Variants in GADL1 observed in about 807,000 individuals in gnomAD.
GADL1 encodes acidic amino acid decarboxylase GADL1.
GADL1 carries 71 observed loss-of-function variants against 69.5 expected under a neutral mutation model. The ratio of observed to expected loss-of-function variants is 1.02; its 90% CI spans 0.84 to 1.25. The LOEUF is 1.25. GADL1 is among the 50% of genes most tolerant of loss of function. GADL1 has a pLI of 0.00. For missense variants in GADL1, 737 were observed against 631.8 expected, an observed-to-expected ratio of 1.17 and a Z score of -1.79; for synonymous variants, 254 against 214.4, an observed-to-expected ratio of 1.18 and a Z score of -1.62.
intron 3 of GADL1, among the ~76,000 whole-genome samples, chr3:30,855,684 G>A (rs1034390288): frequency 1.3e-4 from 20 of 151,828 alleles, no homozygotes; most frequent in South Asian, 2.1e-4. Context: ...CCATACACCC[G>A]GCTAACTGGC....
At chr3:30,842,822 TA>T (rs558126002) in intron 8 of GADL1, among the ~76,000 whole-genome samples, 239 of 103,482 alleles carry the variant, frequency 2.3e-3, no homozygotes, top group Middle Eastern at 0.014. Context: ...TTGGAATGTT[TA>T]AAAAAAAAAA....
chr3:30,755,670 A>G (rs375340952), intron 14 of GADL1, among the ~76,000 whole-genome samples: 1 of 152,216 alleles, frequency 6.6e-6, no homozygotes, highest in Non-Finnish European at 1.5e-5. Flanking sequence ...GTTAGACTAT[A>G]AACTCATTCA....
chr3:30,861,817 T>C, intron 1 of GADL1, 52 bp from the exon 2 acceptor site: 1 of 1,236,032 alleles, frequency 8.1e-7, no homozygotes, highest in Non-Finnish European at 1.1e-6. Context: ...TTACACCACA[T>C]AACAAAGCAC....
intron 1 of GADL1, among the ~76,000 whole-genome samples, chr3:30,880,797 G>A (rs1476474806): frequency 6.6e-6 from 1 of 151,838 alleles, no homozygotes; most frequent in East Asian, 1.9e-4. Flanking sequence ...TGGAGGTGAG[G>A]ATTAAATGAC....
intron 2 of GADL1, among the ~76,000 whole-genome samples, chr3:30,857,912 T>C (rs1698255095): frequency 1.3e-5 from 2 of 151,996 alleles, no homozygotes; most frequent in Admixed American, 1.3e-4. Flanking sequence ...GCCCTCTGCC[T>C]AGAATGTTTT....
At chr3:30,740,972 T>TATTAATATATATTATATATTATAC (rs1695610780) in intron 14 of GADL1, among the ~76,000 whole-genome samples, 2 of 135,286 alleles carry the variant, frequency 1.5e-5, no homozygotes, top group African/African-American at 5.8e-5. Context: ...ATATATTATA[T>TATTAATATATATTATATATTATAC]ATTAATATAT....
At chr3:30,879,569 A>G (rs183330125) in intron 1 of GADL1, among the ~76,000 whole-genome samples, 9 of 151,972 alleles carry the variant, frequency 5.9e-5, no homozygotes, top group Admixed American at 3.9e-4. Flanking sequence ...CCATAAAACT[A>G]TCATATAACC....
intron 14 of GADL1, among the ~76,000 whole-genome samples, chr3:30,763,426 C>T (rs1024700546): frequency 4.4e-5 from 6 of 137,624 alleles, no homozygotes; most frequent in South Asian, 2.3e-4. Context: ...TGGCTGAACC[C>T]GGGAGGTGGA....
chr3:30,829,976 G>A (rs1002641064), intron 11 of GADL1, among the ~76,000 whole-genome samples: 2 of 151,880 alleles, frequency 1.3e-5, no homozygotes, highest in African/African-American at 2.4e-5. Flanking sequence ...GGTAAGTCTG[G>A]GGACTCTTCA....
intron 14 of GADL1, among the ~76,000 whole-genome samples, chr3:30,773,592 G>A (rs1384827229): frequency 6.6e-6 from 1 of 152,092 alleles, no homozygotes; most frequent in Non-Finnish European, 1.5e-5. Context: ...TACAGTGGCT[G>A]TTTTAAACCC....
At chr3:30,872,251 C>T (rs1051971724) in intron 1 of GADL1, among the ~76,000 whole-genome samples, 1 of 151,852 alleles carries the variant, frequency 6.6e-6, no homozygotes, top group Admixed American at 6.6e-5. Flanking sequence ...GCACTTTACT[C>T]GATCATATCC....
At chr3:30,877,700 A>G (rs1032730050) in intron 1 of GADL1, among the ~76,000 whole-genome samples, 7 of 151,958 alleles carry the variant, frequency 4.6e-5, no homozygotes, top group African/African-American at 1.7e-4. Flanking sequence ...CAGAGTGCTG[A>G]AATGGGAATA....
At chr3:30,869,151 T>C (rs1174670981) in intron 1 of GADL1, among the ~76,000 whole-genome samples, 1 of 151,690 alleles carries the variant, frequency 6.6e-6, no homozygotes, top group African/African-American at 2.4e-5. Flanking sequence ...CAAAGAAAAA[T>C]TGAGATTTAA....
chr3:30,882,106 C>T (rs1217904216), intron 1 of GADL1, among the ~76,000 whole-genome samples: 1 of 151,740 alleles, frequency 6.6e-6, no homozygotes, highest in Non-Finnish European at 1.5e-5. Context: ...TAGTTTTACA[C>T]ACTTTTCTAT....
intron 12 of GADL1, chr3:30,798,880 C>T (rs1697104028): frequency 1.3e-5 from 2 of 152,130 alleles, no homozygotes; most frequent in Admixed American, 1.3e-4. Context: ...CCATGCAAGT[C>T]TGAATTCCAG....
chr3:30,802,867 A>T (rs1181435218), intron 11 of GADL1, among the ~76,000 whole-genome samples: 1 of 152,212 alleles, frequency 6.6e-6, no homozygotes, highest in African/African-American at 2.4e-5. Flanking sequence ...TGGAGGGCTG[A>T]GGCAAGAGGA....
intron 4 of GADL1, among the ~76,000 whole-genome samples, chr3:30,851,695 G>A (rs1698149929): frequency 6.6e-6 from 1 of 152,088 alleles, no homozygotes; most frequent in African/African-American, 2.4e-5. Flanking sequence ...CCTAACTCCA[G>A]ACCCCTCTTG....
At chr3:30,837,116 A>G (rs1242486049) in intron 9 of GADL1, among the ~76,000 whole-genome samples, 2 of 151,662 alleles carry the variant, frequency 1.3e-5, no homozygotes, top group African/African-American at 4.9e-5. Context: ...CTGAAAACCC[A>G]GAAGAACAAG....
At position 30,885,474 on chromosome 3, in the gene GADL1, AG is replaced by A. The variant is rs533828262; in HGVS notation, c.37+9103del. Among the ~76,000 whole-genome samples the A allele has an allele frequency of 1.5e-3, 226 of 152,268 alleles. 4 individuals are homozygous for A. The highest frequency in any genetic ancestry group is 5.1e-3 in the African/African-American group (211 of 41,570). On this transcript the variant is annotated intron_variant, in intron 1 of 14. Coordinates refer to ENST00000282538, the MANE Select transcript of GADL1 (RefSeq NM_207359.3). ...GAGAAAAGCATTTAAGCAAAACAAA[AG>A]CTTCATCCCCACCAAGTTTTGTTTT...
Sources: allele counts gnomAD v4.1 joint callset (sites outside exome capture counted in the v4.1 genomes callset), GRCh38; gene constraint gnomAD v4.1.1; transcripts MANE v1.5; gene names NCBI Gene and HGNC (gene_info 2026-07-23, HGNC 2026-07-21).